Variants in KANSL2 observed in about 807,000 individuals in gnomAD.
The protein encoded by KANSL2 is NSL complex protein NSL2.
KANSL2 carries 34 observed loss-of-function variants against 55.6 expected under a neutral mutation model. The observed-to-expected ratio is 0.61, with a 90% confidence interval of 0.46 to 0.81. KANSL2 has a LOEUF of 0.81. KANSL2 is among the 40% of genes least tolerant of loss of function. KANSL2 has a pLI of 0.00. For synonymous variants in KANSL2, 209 were observed against 214.3 expected, an observed-to-expected ratio of 0.98 and a Z score of 0.22; for missense variants, 502 against 609.9, an observed-to-expected ratio of 0.82 and a Z score of 1.86.
At chr12:48,666,200 G>A (rs111720759) in intron 7 of KANSL2, among the ~76,000 whole-genome samples, 4 of 151,996 alleles carry the variant, frequency 2.6e-5, no homozygotes, top group Non-Finnish European at 4.4e-5. Context: ...AACAGAGTAA[G>A]ACTCTGTCTC....
rs554290180 is a variant in KANSL2 at position 48,681,412 on chromosome 12, T to C, written c.221A>G (p.Asn74Ser). The change falls in exon 2 of 10, where the codon AAT becomes AGT. Residue 74 changes from asparagine (N) to serine (S), a missense_variant. Transcript: ENST00000420613. ...ISTKNGKRCPNAAPKPEKKDG... is the reference protein window; with the variant it reads ...ISTKNGKRCPSAAPKPEKKDG... ...TTTCTTCTCTGGCTTTGGGGCAGCATTGGGACATCTTTTTCCATTCTTCGT... is the reference window on the plus strand; with the variant it reads ...TTTCTTCTCTGGCTTTGGGGCAGCACTGGGACATCTTTTTCCATTCTTCGT... 9 of 1,613,820 alleles carry C rather than the reference T, an allele frequency of 5.6e-6. No homozygotes were observed. The highest frequency in any genetic ancestry group is 4.4e-5 in the South Asian group (4 of 91,072).
At chr12:48,676,176 T>A (rs534941879) in intron 4 of KANSL2, among the ~76,000 whole-genome samples, 2 of 152,146 alleles carry the variant, frequency 1.3e-5, no homozygotes, top group Non-Finnish European at 2.9e-5. Context: ...AGTGGCACGA[T>A]CACAGAGCCT....
At chr12:48,658,293 A>G (rs1276844621) in intron 8 of KANSL2, among the ~76,000 whole-genome samples, 7 of 152,264 alleles carry the variant, frequency 4.6e-5, no homozygotes, top group Middle Eastern at 3.4e-3. Flanking sequence ...AAATCTCAAG[A>G]TAATAATGGA....
intron 8 of KANSL2, 132 bp from the exon 9 acceptor site, chr12:48,655,192 T>C: frequency 2.5e-6 from 2 of 789,302 alleles, no homozygotes; most frequent in South Asian, 4.1e-5. Flanking sequence ...AAAAAAAAAA[T>C]TTTACAAGAG....
chr12:48,654,054 G>T lies in KANSL2; in HGVS notation c.1469C>A (p.Ser490Tyr), dbSNP rs1396087132. 1.8e-5 allele frequency: 28 copies of T among 1,588,996 alleles called. No homozygotes were observed. The highest frequency in any genetic ancestry group is 2.4e-5 in the Non-Finnish European group (28 of 1,172,044). ...ATANGKPEPTSIS is the reference protein window; with the variant it reads ...ATANGKPEPTYIS ...TGGTTCCCCAAACTATCAACTAATA[G>T]AAGTGGGTTCTGGCTTCCCATTTGC... Residue 490 changes from serine to tyrosine, a missense_variant, in exon 10 of 10, where the codon TCT becomes TAT. Transcript: ENST00000420613.
At chr12:48,654,503 C>G (rs1423042761) in intron 9 of KANSL2, 1 of 633,938 alleles carries the variant, frequency 1.6e-6, no homozygotes, top group African/African-American at 1.8e-5. Flanking sequence ...AACTGCTGGT[C>G]TTCAGTCAGG....
chr12:48,656,274 T>C (rs1342532134), intron 8 of KANSL2, among the ~76,000 whole-genome samples: 3 of 136,994 alleles, frequency 2.2e-5, no homozygotes, highest in African/African-American at 7.8e-5. Flanking sequence ...TTTTTTTTGT[T>C]TTGTTTTTTT....
intron 6 of KANSL2, among the ~76,000 whole-genome samples, chr12:48,668,017 T>C (rs531910137): frequency 1.6e-4 from 24 of 152,326 alleles, no homozygotes; most frequent in African/African-American, 5.1e-4. Context: ...AAGTGTGATA[T>C]AGCCTATTTA....
At chr12:48,662,708 A>G in intron 7 of KANSL2, 1 of 1,215,784 alleles carries the variant, frequency 8.2e-7, no homozygotes, top group South Asian at 1.4e-5. Flanking sequence ...TGGAGTGGAA[A>G]GGAAAGAGCA....
chr12:48,664,577 CTTTTTT>C (rs35805896), intron 7 of KANSL2, among the ~76,000 whole-genome samples: 2 of 62,034 alleles, frequency 3.2e-5, no homozygotes, highest in African/African-American at 1.2e-4. Flanking sequence ...CGCACCTGGC[CTTTTTT>C]TTTTTTTTTT....
chr12:48,672,425 A>ACG (rs1555155457), intron 4 of KANSL2, among the ~76,000 whole-genome samples: 4 of 111,318 alleles, frequency 3.6e-5, no homozygotes, highest in African/African-American at 1.5e-4. Flanking sequence ...ATATATATAT[A>ACG]TATATATATT....
At chr12:48,673,566 A>AG (rs908592251) in intron 4 of KANSL2, among the ~76,000 whole-genome samples, 1 of 149,534 alleles carries the variant, frequency 6.7e-6, no homozygotes, top group Non-Finnish European at 1.5e-5. Flanking sequence ...TCTCAAAAAA[A>AG]GAAAAAAAAA....
intron 7 of KANSL2, among the ~76,000 whole-genome samples, chr12:48,661,629 T>A (rs56827891): frequency 2.0e-5 from 3 of 152,206 alleles, no homozygotes; most frequent in South Asian, 2.1e-4. Flanking sequence ...GTAATTTTTT[T>A]AAATAAAAAA....
Position 48,679,744 on chromosome 12 carries a change from G to A in KANSL2, c.341C>T (p.Thr114Ile), listed in dbSNP as rs775015748. 2 of 1,611,440 alleles carry A rather than the reference G, an allele frequency of 1.2e-6. No homozygotes were observed. Among genetic ancestry groups the A allele is most frequent in the East Asian group, 2.2e-5 (1 of 44,860 alleles). Reference sequence around the variant, plus strand: ...ATATGAGCTCAGCTGGCACAGGAGTGTTTCACCCACAGGCCCTGGGTTGGT... The same window carrying A: ...ATATGAGCTCAGCTGGCACAGGAGTATTTCACCCACAGGCCCTGGGTTGGT... ...KKTNPGPVGE[T>I]LLCQLSSYAK... The change falls in exon 3 of 10, where the codon ACA becomes ATA. Residue 114 changes from threonine to isoleucine, a missense_variant. Transcript: ENST00000420613.
chr12:48,654,917 C>A, intron 9 of KANSL2, 24 bp downstream of exon 9: 1 of 1,553,692 alleles, frequency 6.4e-7, no homozygotes, highest in Non-Finnish European at 8.7e-7. Flanking sequence ...ATGAGGGAAA[C>A]AGGTGGGACT....
chr12:48,660,755 A>C (rs1939471395), intron 7 of KANSL2, 136 bp from the exon 8 acceptor site: 1 of 887,876 alleles, frequency 1.1e-6, no homozygotes, highest in Non-Finnish European at 1.7e-6. Context: ...CAGAATACCA[A>C]ATGCAGTTAG....
At chr12:48,662,675 AG>A in intron 7 of KANSL2, 1 of 1,284,360 alleles carries the variant, frequency 7.8e-7, no homozygotes, top group Non-Finnish European at 1.0e-6. Context: ...GACTTAAGGA[AG>A]GGTAAGTGAC....
chr12:48,671,697 C>T, intron 5 of KANSL2, 102 bp downstream of exon 5: 1 of 1,240,302 alleles, frequency 8.1e-7, no homozygotes, highest in East Asian at 2.4e-5. Context: ...ACAAAAATCA[C>T]CTAACAAAGT....
chr12:48,681,668 A>T, intron 1 of KANSL2, 27 bp from the exon 2 acceptor site: 1 of 1,613,708 alleles, frequency 6.2e-7, no homozygotes, highest in Non-Finnish European at 8.5e-7. Flanking sequence ...AAGACCAAAA[A>T]GCCCTTACCC....
Sources: allele counts gnomAD v4.1 joint callset (sites outside exome capture counted in the v4.1 genomes callset), GRCh38; gene constraint gnomAD v4.1.1; transcripts MANE v1.5; gene names NCBI Gene and HGNC (gene_info 2026-07-23, HGNC 2026-07-21).